Variants in UHRF2 observed in about 807,000 individuals in gnomAD.
The protein encoded by UHRF2 is E3 ubiquitin-protein ligase UHRF2.
UHRF2 carries 23 observed loss-of-function variants against 96.8 expected under a neutral mutation model. The ratio of observed to expected loss-of-function variants is 0.24; its 90% CI spans 0.17 to 0.34. The LOEUF (loss-of-function observed/expected upper bound fraction) is 0.34, where lower values mean the gene tolerates loss of function less well. Among genes scored for constraint, UHRF2 ranks in the 10% least tolerant of loss-of-function variants. The probability of loss-of-function intolerance (pLI) is 1.00; values close to 1 mark genes in which losing one functional copy is unlikely to be tolerated. For synonymous variants in UHRF2, 385 were observed against 332.6 expected, an observed-to-expected ratio of 1.16 and a Z score of -1.72; for missense variants, 685 against 981.5, an observed-to-expected ratio of 0.70 and a Z score of 4.04.
intron 2 of UHRF2, among the ~76,000 whole-genome samples, chr9:6,425,390 A>T (rs1454143515): frequency 6.6e-6 from 1 of 152,130 alleles, no homozygotes; most frequent in Non-Finnish European, 1.5e-5. Context: ...TGCTTCAGGT[A>T]CATCTTGTAT....
At chr9:6,488,535 C>G (rs943936818) in intron 9 of UHRF2, among the ~76,000 whole-genome samples, 1 of 113,476 alleles carries the variant, frequency 8.8e-6, no homozygotes, top group African/African-American at 3.6e-5. Context: ...TTCTCTTTTT[C>G]TTTTCTTTTT....
intron 4 of UHRF2, among the ~76,000 whole-genome samples, chr9:6,462,912 G>A (rs940220375): frequency 4.6e-5 from 7 of 150,724 alleles, no homozygotes; most frequent in Admixed American, 1.3e-4. Flanking sequence ...GCGAGACTCT[G>A]TCTAAAAAAA....
At chr9:6,479,408 T>G (rs986787257) in intron 6 of UHRF2, among the ~76,000 whole-genome samples, 1 of 152,102 alleles carries the variant, frequency 6.6e-6, no homozygotes, top group African/African-American at 2.4e-5. Context: ...GGCCTTTCCT[T>G]CTTAGTCTCT....
At chr9:6,422,152 T>C (rs1223146904) in intron 2 of UHRF2, among the ~76,000 whole-genome samples, 1 of 152,200 alleles carries the variant, frequency 6.6e-6, no homozygotes, top group East Asian at 1.9e-4. Context: ...CTACTATACT[T>C]GGTTCCATTG....
At position 6,487,182 on chromosome 9, in the gene UHRF2, C is replaced by CTTTTTTT. The variant is rs1171978950; in HGVS notation, c.1497+276_1497+282dup. 3.1e-3 allele frequency among the ~76,000 whole-genome samples: 216 copies of CTTTTTTT among 69,594 alleles called. 3 individuals are homozygous for CTTTTTTT. Among genetic ancestry groups the CTTTTTTT allele is most frequent in the East Asian group, 5.4e-3 (11 of 2,052 alleles). 45.7% of individuals were successfully genotyped at this position (69,594 alleles called of 152,430 possible). A position where few individuals can be genotyped will look rare whatever the true frequency, so the allele number is the denominator to read the frequency against. ...TCTATAGAGCTTTTATTTTTTTTTC[C>CTTTTTTT]TTTTTTTTTTTTTTTTTTTTTTTTT... On this transcript the variant is annotated intron_variant, in intron 9 of 15. Coordinates refer to ENST00000276893, the MANE Select transcript of UHRF2 (RefSeq NM_152896.3).
At chr9:6,430,653 C>T (rs1051455434) in intron 2 of UHRF2, among the ~76,000 whole-genome samples, 1 of 152,124 alleles carries the variant, frequency 6.6e-6, no homozygotes, top group Non-Finnish European at 1.5e-5. Flanking sequence ...CCCTGATCAC[C>T]CACAGCCAGG....
intron 2 of UHRF2, among the ~76,000 whole-genome samples, chr9:6,422,091 T>A (rs1162011850): frequency 1.3e-5 from 2 of 152,330 alleles, no homozygotes; most frequent in Non-Finnish European, 1.5e-5. Context: ...GTTCAAGAAT[T>A]TCTACCTAGG....
At chr9:6,419,300 C>G (rs148204629) in intron 1 of UHRF2, among the ~76,000 whole-genome samples, 2 of 152,300 alleles carry the variant, frequency 1.3e-5, no homozygotes, top group African/African-American at 4.8e-5. Context: ...ATTAGGATTT[C>G]AACCCATAAC....
intron 8 of UHRF2, among the ~76,000 whole-genome samples, chr9:6,486,563 G>T (rs926085064): frequency 6.6e-6 from 1 of 152,128 alleles, no homozygotes; most frequent in African/African-American, 2.4e-5. Flanking sequence ...AGAATTCTAC[G>T]CAATCAGTTT....
intron 3 of UHRF2, among the ~76,000 whole-genome samples, chr9:6,435,040 C>G (rs936293639): frequency 4.6e-5 from 7 of 151,224 alleles, no homozygotes; most frequent in African/African-American, 1.7e-4. Flanking sequence ...CAGATTCTCA[C>G]TCTGTCACTC....
Position 6,420,975 on chromosome 9 carries a change from G to C in UHRF2, c.217G>C (p.Val73Leu). ...ACTGAATGATATAATTCAGCTGCTA[G>C]TTCGCCCAGACCCTGATCATCTTCC... is the stretch of plus-strand genomic sequence containing the variant. ...VGLNDIIQLL[V>L]RPDPDHLPGT... The change falls in exon 2 of 16, where the codon GTT becomes CTT. Residue 73 changes from valine to leucine, a missense_variant. Around this residue, in one of 6 missense-constraint regions of UHRF2, gnomAD observed 391 missense variants for 437.0 expected, o/e 0.89. Coordinates refer to ENST00000276893, the MANE Select transcript of UHRF2 (RefSeq NM_152896.3). 1 of 1,614,136 alleles carries C rather than the reference G, an allele frequency of 6.2e-7. No homozygotes were observed. The highest frequency in any genetic ancestry group is 8.5e-7 in the Non-Finnish European group (1 of 1,180,016).
At chr9:6,453,728 C>G (rs911847367) in intron 3 of UHRF2, among the ~76,000 whole-genome samples, 21 of 152,158 alleles carry the variant, frequency 1.4e-4, no homozygotes, top group African/African-American at 5.1e-4. Flanking sequence ...CATGGTGAAA[C>G]CCCGTCTCTA....
chr9:6,469,410 C>A (rs893316923), intron 4 of UHRF2, among the ~76,000 whole-genome samples: 10 of 151,812 alleles, frequency 6.6e-5, no homozygotes, highest in Non-Finnish European at 8.8e-5. Context: ...CCCAGCTACT[C>A]GGGAGGCTGA....
At chr9:6,497,867 T>C in intron 11 of UHRF2, 151 bp from the exon 12 acceptor site, 1 of 922,820 alleles carries the variant, frequency 1.1e-6, no homozygotes, top group South Asian at 1.8e-5. Flanking sequence ...CAAAACTGTT[T>C]TAGTGAATAT....
chr9:6,473,387 T>C (rs1823368294), intron 4 of UHRF2, among the ~76,000 whole-genome samples: 1 of 152,232 alleles, frequency 6.6e-6, no homozygotes, highest in Non-Finnish European at 1.5e-5. Context: ...TGAGCTATAC[T>C]ACTGGGTCAC....
chr9:6,468,996 C>G (rs942227603), intron 4 of UHRF2, among the ~76,000 whole-genome samples: 7 of 152,258 alleles, frequency 4.6e-5, no homozygotes, highest in African/African-American at 1.4e-4. Context: ...AAATGCCATT[C>G]TGCCAAAAGA....
At chr9:6,500,142 A>G (rs991834071) in intron 13 of UHRF2, among the ~76,000 whole-genome samples, 1 of 152,058 alleles carries the variant, frequency 6.6e-6, no homozygotes, top group East Asian at 1.9e-4. Context: ...TAATTTTTGT[A>G]TCTTTTGTAA....
At position 6,433,898 on chromosome 9, in the gene UHRF2, T is replaced by C. The variant is rs1820690152; in HGVS notation, c.385-16T>C. On this transcript the variant is annotated splice_polypyrimidine_tract_variant and intron_variant, in intron 2 of 15. Transcript: ENST00000276893. ...ACAAAATTAAGCTTCATTAACTGATTTTAAACTTTTTTTAGGTAAATGAAT... is the reference window on the plus strand; with the variant it reads ...ACAAAATTAAGCTTCATTAACTGATCTTAAACTTTTTTTAGGTAAATGAAT... 1 of 1,595,184 alleles carries C rather than the reference T, an allele frequency of 6.3e-7. No homozygotes were observed. Among genetic ancestry groups the C allele is most frequent in the Non-Finnish European group, 8.6e-7 (1 of 1,167,476 alleles).
chr9:6,504,133 C>G (rs544930125), intron 14 of UHRF2, among the ~76,000 whole-genome samples: 66 of 145,888 alleles, frequency 4.5e-4, no homozygotes, highest in African/African-American at 1.6e-3. Flanking sequence ...TCACTCCATT[C>G]TCCTGCCTCA....
Sources: gnomAD v4.1 joint callset for allele counts (sites outside exome capture counted in the v4.1 genomes callset) on GRCh38, gnomAD v4.1.1 for gene constraint, gnomAD v4.1.1 regional missense constraint, MANE v1.5 for transcripts, NCBI Gene and HGNC (gene_info 2026-07-23, HGNC 2026-07-21) for gene names.